The following RRP9 variants were observed in gnomAD, a reference collection of about 807,000 sequenced individuals.
The protein encoded by RRP9 is U3 small nucleolar RNA-interacting protein 2.
In RRP9, 35 loss-of-function variants were observed where a neutral mutation model predicts 65.5. The ratio of observed to expected loss-of-function variants is 0.53; its 90% confidence interval spans 0.41 to 0.71. The LOEUF is 0.71. Ranked by LOEUF, RRP9 falls within the 30% of genes least tolerant of loss-of-function variation. The pLI is 0.00. For synonymous variants in RRP9, 254 were observed against 245.0 expected (o/e 1.04, Z -0.34); for missense variants, 533 against 633.6 (o/e 0.84, Z 1.70).
intron 1 of RRP9, 69 bp from the exon 2 acceptor site, chr3:51,941,560 C>A (rs888653120): frequency 4.6e-5 from 65 of 1,415,354 alleles, no homozygotes; most frequent in Middle Eastern, 3.6e-4. Context: ...AGGGCCCCCC[C>A]CCCTCGGTTC....
At position 51,937,653 on chromosome 3, in the gene RRP9, C is replaced by A. The variant is rs372452319; in HGVS notation, c.348+16G>T. 1 of 1,614,126 alleles carries A rather than the reference C, an allele frequency of 6.2e-7. No homozygotes were observed. The highest frequency in any genetic ancestry group is 8.5e-7 in the Non-Finnish European group (1 of 1,180,054). ...GCTCCACCCCCGTCCTCCCCCAACT[C>A]TCCCTCCACACTTACCACATCCTCC... is the stretch of plus-strand genomic sequence containing the variant. On this transcript the variant is annotated intron_variant, in intron 4 of 14. Coordinates refer to ENST00000232888, the MANE Select transcript of RRP9 (RefSeq NM_004704.5). The surrounding 1 kb of genome is among the most constrained non-coding windows in gnomAD (Gnocchi z 5.0).
rs745805810 is a variant in RRP9 at position 51,941,900 on chromosome 3, A to G, written c.-33T>C. 2 of 1,538,948 alleles carry G rather than the reference A, an allele frequency of 1.3e-6. No homozygotes were observed. The highest frequency in any genetic ancestry group is 1.7e-6 in the Non-Finnish European group (2 of 1,144,784). On this transcript the variant is annotated 5_prime_UTR_variant, in exon 1 of 15. Transcript: ENST00000232888. ...ACCAGGCGTGTAGCAGCGGCCGCAG[A>G]ACTCACGTGGCAGCTGAACCCTCCC...
rs768714666 is a variant in RRP9, at chr3:51,934,540, A to C, written c.1192T>G (p.Ser398Ala). 6.2e-7 allele frequency: 1 copy of C among 1,613,932 alleles called. No individual in the cohort carries two copies. The highest frequency in any genetic ancestry group is 1.7e-5 in the Admixed American group (1 of 59,990). ...CCACACTGCCAAAGCCGCACACAGG[A>C]GCTGTGGGAGCCTGGGGAGACTGGA... ...TDLVATGSHS[S>A]CVRLWQCGEG... Residue 398 changes from serine (S) to alanine (A), a missense_variant, in exon 13 of 15, where the codon TCC becomes GCC. Around this residue, in one of 3 missense-constraint regions of RRP9, gnomAD observed 449 missense variants for 550.6 expected, o/e 0.82. Transcript: ENST00000232888. This position sits in a 1 kb window ranked among gnomAD's most constrained non-coding sequence, Gnocchi z 4.1.
chr3:51,936,520 G>A lies in RRP9; in HGVS notation c.553C>T (p.Pro185Ser), dbSNP rs1203179549. ...VESGRKLHVIPRAKKGAEGKP... is the reference protein window; with the variant it reads ...VESGRKLHVISRAKKGAEGKP... ...CCCTCGGCACCCTTCTTGGCTCGAGGAATCACATGCAGCTTCCGTCCACTC... is the reference window on the plus strand; with the variant it reads ...CCCTCGGCACCCTTCTTGGCTCGAGAAATCACATGCAGCTTCCGTCCACTC... Residue 185 changes from proline to serine, a missense_variant, in exon 7 of 15, where the codon CCT becomes TCT. This residue lies in a region of RRP9 where 449 missense variants were observed against 550.6 expected (regional missense o/e 0.82). Transcript: ENST00000232888. The A allele has an allele frequency of 6.2e-7, 1 of 1,614,148 alleles. No individual in the cohort carries two copies. The highest frequency in any genetic ancestry group is 8.5e-7 in the Non-Finnish European group (1 of 1,180,020).
chr3:51,933,634 CCA>C (rs748977900), intron 14 of RRP9, 35 bp from the exon 15 acceptor site: 3 of 1,611,302 alleles, frequency 1.9e-6, no homozygotes, highest in Non-Finnish European at 2.5e-6. Flanking sequence ...GAGACTCGGC[CCA>C]GTCTCCACCC....
In RRP9 at chr3:51,937,705, C is replaced by T; in HGVS notation, c.312G>A (p.Glu104=). 1 of 1,614,192 alleles carries T rather than the reference C, an allele frequency of 6.2e-7. No individual in the cohort carries two copies. Among genetic ancestry groups the T allele is most frequent in the Non-Finnish European group, 8.5e-7 (1 of 1,180,038 alleles). Residue 104 remains glutamate (E), a synonymous_variant, in exon 4 of 15, where the codon GAG becomes GAA. Transcript: ENST00000232888. The surrounding 1 kb of genome is among the most constrained non-coding windows in gnomAD (Gnocchi z 5.0). ...TCAGGCGCCCCGCCACCTGGTCCTCCTCAAATGCACGGGCCTCAGCCTTCT... is the reference window on the plus strand; with the variant it reads ...TCAGGCGCCCCGCCACCTGGTCCTCTTCAAATGCACGGGCCTCAGCCTTCT... ...EEEKAEARAF[E]EDQVAGRLKE...
At chr3:51,941,563 CT>C (rs1284469954) in intron 1 of RRP9, 72 bp from the exon 2 acceptor site, 23 of 1,395,680 alleles carry the variant, frequency 1.6e-5, no homozygotes, top group East Asian at 4.6e-5. Context: ...GCCCCCCCCC[CT>C]CGGTTCCCTC....
chr3:51,937,499 C>A lies in RRP9; in HGVS notation c.390+46G>T, dbSNP rs201147478. The stretch of plus-strand genomic sequence containing the variant: ...AGTGTCCACCATGTTCCAAGTGGGG[C>A]CCCCAATTCCCTCCAACCTTATACC... On this transcript the variant is annotated intron_variant, in intron 5 of 14. Transcript: ENST00000232888. This position sits in a 1 kb window ranked among gnomAD's most constrained non-coding sequence, Gnocchi z 5.0. 6.2e-7 allele frequency: 1 copy of A among 1,613,054 alleles called. No homozygotes were observed. Among genetic ancestry groups the A allele is most frequent in the South Asian group, 1.1e-5 (1 of 91,048 alleles).
intron 2 of RRP9, 64 bp from the exon 3 acceptor site, chr3:51,938,268 C>G (rs1442287245): frequency 9.5e-6 from 12 of 1,269,754 alleles, no homozygotes; most frequent in Non-Finnish European, 1.3e-5. Flanking sequence ...TAGGATCGTG[C>G]CTTCTGGATG....
At chr3:51,939,147 C>T (rs928213477) in intron 2 of RRP9, among the ~76,000 whole-genome samples, 6 of 152,224 alleles carry the variant, frequency 3.9e-5, no homozygotes, top group Non-Finnish European at 7.3e-5. Context: ...GTCCACTCCC[C>T]TAACCGTGTT....
rs1404076668 is a variant in RRP9 at position 51,941,807 on chromosome 3, C to A, written c.61G>T (p.Ala21Ser). ...TTTCGCCGCCGCTTGCCGGCCCCCG[C>A]GCCAGCCCCGGCCCCAGAGGCCGGC... ...GKPASGAGAG[A>S]GAGKRRRKAD... Residue 21 changes from alanine to serine, a missense_variant, in exon 1 of 15, where the codon GCG becomes TCG. Ala to Ser is a moderately conservative substitution (Grantham distance 99, BLOSUM62 1). Around this residue, in one of 3 missense-constraint regions of RRP9, gnomAD observed 77 missense variants for 60.5 expected, o/e 1.27. Coordinates refer to ENST00000232888, the MANE Select transcript of RRP9 (RefSeq NM_004704.5). The A allele has an allele frequency of 6.3e-7, 1 of 1,574,850 alleles. No individual in the cohort carries two copies. Among genetic ancestry groups the A allele is most frequent in the Admixed American group, 1.7e-5 (1 of 58,200 alleles).
At position 51,934,619 on chromosome 3, in the gene RRP9, C is replaced by A. The variant is rs772426855; in HGVS notation, c.1180+12G>T. 1.9e-6 allele frequency: 3 copies of A among 1,614,022 alleles called. No homozygotes were observed. The highest frequency in any genetic ancestry group is 2.5e-6 in the Non-Finnish European group (3 of 1,179,934). Reference sequence around the variant, plus strand: ...CCGGCGACCCCTCCTCCCTGCCTCTCAGGGCACCCACCTGTGGCCACAAGG... The same window carrying A: ...CCGGCGACCCCTCCTCCCTGCCTCTAAGGGCACCCACCTGTGGCCACAAGG... On this transcript the variant is annotated intron_variant, in intron 12 of 14. Coordinates refer to ENST00000232888, the MANE Select transcript of RRP9 (RefSeq NM_004704.5). The surrounding 1 kb of genome is among the most constrained non-coding windows in gnomAD (Gnocchi z 4.1).
At position 51,938,093 on chromosome 3, in the gene RRP9, A is replaced by AC; in HGVS notation, c.280+1dup. On this transcript the variant is annotated splice_donor_variant, in intron 3 of 14. Coordinates refer to ENST00000232888, the MANE Select transcript of RRP9 (RefSeq NM_004704.5). LOFTEE classifies it high-confidence loss of function. ...CCATGGCTGGCCTGCCCACTGGCTC[A>AC]CCTTGCTGACGGAGCTGCTCTAGGT... 6.3e-7 allele frequency: 1 copy of AC among 1,595,936 alleles called. No homozygotes were observed. The highest frequency in any genetic ancestry group is 8.5e-7 in the Non-Finnish European group (1 of 1,175,398).
intron 2 of RRP9, among the ~76,000 whole-genome samples, chr3:51,938,759 A>G (rs910972584): frequency 2.0e-5 from 3 of 152,184 alleles, no homozygotes; most frequent in Non-Finnish European, 4.4e-5. Context: ...GGCAAGGGAT[A>G]CCGGAAACCA....
intron 2 of RRP9, among the ~76,000 whole-genome samples, chr3:51,939,634 A>T (rs1401080213): frequency 6.6e-6 from 1 of 152,248 alleles, no homozygotes; most frequent in Non-Finnish European, 1.5e-5. Flanking sequence ...TAACTTTAAA[A>T]AGGGCATGTT....
Position 51,936,562 on chromosome 3 carries a change from T to C in RRP9, c.518-7A>G. The stretch of plus-strand genomic sequence containing the variant: ...CGTCCACTCTCCACGCTCCCTGCAG[T>C]TGGGGGTGGGGGAGAAGCTACTGGG... On this transcript the variant is annotated splice_region_variant and splice_polypyrimidine_tract_variant and intron_variant, in intron 6 of 14. Transcript: ENST00000232888. 2 of 1,612,924 alleles carry C rather than the reference T, an allele frequency of 1.2e-6. No homozygotes were observed. The highest frequency in any genetic ancestry group is 1.7e-4 in the Middle Eastern group (1 of 5,864).
At position 51,941,651 on chromosome 3, in the gene RRP9, G is replaced by T. The variant is rs925784829; in HGVS notation, c.87+130C>A. On this transcript the variant is annotated intron_variant, in intron 1 of 14. Coordinates refer to ENST00000232888, the MANE Select transcript of RRP9 (RefSeq NM_004704.5). Reference sequence around the variant, plus strand: ...TCTAGGATTTGGCCCGCGGAGAGAGGGACGAAGCTGACTCCAGCAGGGGTC... The same window carrying T: ...TCTAGGATTTGGCCCGCGGAGAGAGTGACGAAGCTGACTCCAGCAGGGGTC... 1.3e-5 allele frequency: 14 copies of T among 1,091,640 alleles called. No individual in the cohort carries two copies. In the African/African-American group the frequency reaches 1.7e-4, roughly 13 times the overall value. 67.6% of individuals were successfully genotyped at this position (1,091,640 alleles called of 1,614,324 possible). A position where few individuals can be genotyped will look rare whatever the true frequency, so the allele number is the denominator to read the frequency against.
chr3:51,937,339 T>G lies in RRP9; in HGVS notation c.391-21A>C, dbSNP rs1577651246. 3 of 1,613,834 alleles carry G rather than the reference T, an allele frequency of 1.9e-6. No homozygotes were observed. Among genetic ancestry groups the G allele is most frequent in the Non-Finnish European group, 2.5e-6 (3 of 1,179,978 alleles). Reference sequence around the variant, plus strand: ...TGGATCTGGGCAGACAGGGGCCAGGTCACTGTGGCTAGTGGCATAAAGGCA... The same window carrying G: ...TGGATCTGGGCAGACAGGGGCCAGGGCACTGTGGCTAGTGGCATAAAGGCA... On this transcript the variant is annotated intron_variant, in intron 5 of 14. Transcript: ENST00000232888. This position sits in a 1 kb window ranked among gnomAD's most constrained non-coding sequence, Gnocchi z 5.0.
chr3:51,937,270 G>A lies in RRP9; in HGVS notation c.439C>T (p.Leu147Phe). 1 of 1,614,182 alleles carries A rather than the reference G, an allele frequency of 6.2e-7. No homozygotes were observed. Among genetic ancestry groups the A allele is most frequent in the South Asian group, 1.1e-5 (1 of 91,084 alleles). ...ADIRVLRGHQ[L>F]SITCLVVTPD... The stretch of plus-strand genomic sequence containing the variant: ...GTGACGACCAAACATGTGATAGAGA[G>A]CTGGTGCCCCCGTAAAACGCGAATG... Residue 147 changes from leucine (L) to phenylalanine (F), a missense_variant, in exon 6 of 15, where the codon CTC (leucine) becomes TTC (phenylalanine). Leu to Phe is a conservative substitution (Grantham distance 22, BLOSUM62 0). Around this residue, in one of 3 missense-constraint regions of RRP9, gnomAD observed 449 missense variants for 550.6 expected, o/e 0.82. Transcript: ENST00000232888. The surrounding 1 kb of genome is among the most constrained non-coding windows in gnomAD (Gnocchi z 5.0).
Sources: allele counts gnomAD v4.1 joint callset (sites outside exome capture counted in the v4.1 genomes callset), GRCh38; gene constraint gnomAD v4.1.1; regional missense constraint gnomAD v4.1.1; non-coding constraint Gnocchi (gnomAD v3.1); transcripts MANE v1.5; gene names NCBI Gene and HGNC (gene_info 2026-07-23, HGNC 2026-07-21).